The following RNF41 variants were observed in gnomAD, a reference collection of about 807,000 sequenced individuals.
The protein encoded by RNF41 is ring finger protein 41.
RNF41 carries 4 observed loss-of-function variants against 33.0 expected under a neutral mutation model. That is an observed-to-expected ratio of 0.12 (90% CI 0.06 to 0.28). The LOEUF is 0.28. RNF41 is among the 10% of genes least tolerant of loss of function. The pLI is 1.00. For missense variants in RNF41, 228 were observed against 432.6 expected (o/e 0.53, Z 4.19); for synonymous variants, 164 against 153.2 (o/e 1.07, Z -0.52).
At chr12:56,209,779 T>A (rs773264954) in intron 4 of RNF41, among the ~76,000 whole-genome samples, 8 of 152,316 alleles carry the variant, frequency 5.3e-5, no homozygotes, top group Non-Finnish European at 1.0e-4. Context: ...AATTTTTGTA[T>A]TTTTAGTAGA....
At position 56,205,570 on chromosome 12, in the gene RNF41, G is replaced by GT. The variant is rs1491434743; in HGVS notation, c.*876_*877insA. Reference sequence around the variant, plus strand: ...GATCAGGCCATTCTTAAAAAAAAGAGGGGGGGGGGCAGTAGGTGGAGTTTG... The same window carrying GT: ...GATCAGGCCATTCTTAAAAAAAAGAGTGGGGGGGGGCAGTAGGTGGAGTTTG... On this transcript the variant is annotated 3_prime_UTR_variant, in exon 7 of 7. Transcript: ENST00000345093. The GT allele has an allele frequency of 1.8e-5, 2 of 108,122 alleles. No individual in the cohort carries two copies. The highest frequency in any genetic ancestry group is 8.6e-5 in the Admixed American group (1 of 11,674). 6.7% of individuals were successfully genotyped at this position (108,122 alleles called of 1,614,324 possible). A position where few individuals can be genotyped will look rare whatever the true frequency, so the allele number is the denominator to read the frequency against.
At chr12:56,219,846 C>T (rs1347113462) in intron 1 of RNF41, among the ~76,000 whole-genome samples, 2 of 151,148 alleles carry the variant, frequency 1.3e-5, no homozygotes, top group Admixed American at 6.6e-5. Context: ...GAAACCTTGT[C>T]TCTACAAAAA....
chr12:56,208,016 CCTG>C (rs1868306276), intron 5 of RNF41, 144 bp downstream of exon 5: 1 of 970,842 alleles, frequency 1.0e-6, no homozygotes, highest in Non-Finnish European at 1.6e-6. Context: ...AATCTGATTC[CCTG>C]CTAAGCCACA....
chr12:56,202,892 T>C lies in RNF41; in HGVS notation c.*3555A>G, dbSNP rs1171096475. On this transcript the variant is annotated 3_prime_UTR_variant, in exon 7 of 7. Transcript: ENST00000345093. ...ACACCATTCATAACATTCACAAGAA[T>C]GAGCAGCAAGTTCTAAAAGTAATTT... 3 of 152,184 alleles carry C rather than the reference T, an allele frequency of 2.0e-5. No individual in the cohort carries two copies. Among genetic ancestry groups the C allele is most frequent in the African/African-American group, 7.2e-5 (3 of 41,450 alleles). The allele number at this position is 152,184 out of a possible 1,614,324, so 9.4% of individuals were successfully genotyped here.
At position 56,206,709 on chromosome 12, in the gene RNF41, C is replaced by A; in HGVS notation, c.692G>T (p.Arg231Leu). 6.2e-7 allele frequency: 1 copy of A among 1,614,144 alleles called. No homozygotes were observed. The highest frequency in any genetic ancestry group is 8.5e-7 in the Non-Finnish European group (1 of 1,180,010). The stretch of plus-strand genomic sequence containing the variant: ...AGGACAGCCACTCTCCACCAGGGAG[C>A]GCTTGATTACAGCCTGGAGCACAGC... ...PDAVLQAVIK[R>L]SLVESGCPAS... is the part of the protein sequence containing the mutation. The change falls in exon 7 of 7, where the codon CGC becomes CTC. Residue 231 changes from arginine (R) to leucine (L), a missense_variant. By Grantham distance (102) the Arg-to-Leu change is moderately radical. Around this residue, in one of 2 missense-constraint regions of RNF41, gnomAD observed 199 missense variants for 334.6 expected, o/e 0.59. Transcript: ENST00000345093. This position sits in a 1 kb window ranked among gnomAD's most constrained non-coding sequence, Gnocchi z 5.7.
In RNF41 at chr12:56,203,361, A is replaced by G. The variant is rs1466799952; in HGVS notation, c.*3086T>C. 1 of 145,228 alleles carries G rather than the reference A, an allele frequency of 6.9e-6. No individual in the cohort carries two copies. Among genetic ancestry groups the G allele is most frequent in the Non-Finnish European group, 1.5e-5 (1 of 67,120 alleles). 9.0% of individuals were successfully genotyped at this position (145,228 alleles called of 1,614,324 possible). A position where few individuals can be genotyped will look rare whatever the true frequency, so the allele number is the denominator to read the frequency against. On this transcript the variant is annotated 3_prime_UTR_variant, in exon 7 of 7. Transcript: ENST00000345093. ...ACCATGTCTGGCTATCCTTTTTCTT[A>G]TGACAGGGAAAGGTAGCAGCAAATA...
At chr12:56,219,913 A>G (rs941145022) in intron 1 of RNF41, among the ~76,000 whole-genome samples, 4 of 151,672 alleles carry the variant, frequency 2.6e-5, no homozygotes, top group Non-Finnish European at 5.9e-5. Flanking sequence ...GCTACTGAGG[A>G]GGCTGAAGGG....
At chr12:56,216,404 G>A (rs1868896521) in intron 2 of RNF41, 25 bp downstream of exon 2, 1 of 152,226 alleles carries the variant, frequency 6.6e-6, no homozygotes, top group Admixed American at 6.5e-5. Flanking sequence ...GGCCTGGAAT[G>A]GGATTCTGAA....
At chr12:56,213,118 A>G (rs976486823) in intron 3 of RNF41, 2 of 1,289,530 alleles carry the variant, frequency 1.6e-6, no homozygotes, top group African/African-American at 3.0e-5. Flanking sequence ...TGCAGAGTGC[A>G]TGGCTGTATC....
intron 1 of RNF41, among the ~76,000 whole-genome samples, chr12:56,221,198 G>A (rs1869389254): frequency 6.6e-6 from 1 of 152,102 alleles, no homozygotes; most frequent in African/African-American, 2.4e-5. Flanking sequence ...TCCAGTGTGT[G>A]GTGTGTGAAC....
chr12:56,208,545 T>A (rs1445107023), intron 4 of RNF41: 22 of 324,576 alleles, frequency 6.8e-5, no homozygotes, highest in Non-Finnish European at 9.9e-5. Context: ...ATCTATTTTT[T>A]AAATTTATTT....
rs528624541 is a variant in RNF41 at position 56,203,572 on chromosome 12, T to C, written c.*2875A>G. ...GCCTGTCCGGCTAATTTATTTATAT[T>C]TTTAGTAGAGACAGGGTTTCACCAT... On this transcript the variant is annotated 3_prime_UTR_variant, in exon 7 of 7. Transcript: ENST00000345093. 1.3e-5 allele frequency: 2 copies of C among 151,470 alleles called. No individual in the cohort carries two copies. The highest frequency in any genetic ancestry group is 3.9e-4 in the East Asian group (2 of 5,170). The allele number at this position is 151,470 out of a possible 1,614,324, so 9.4% of individuals were successfully genotyped here. A position where few individuals can be genotyped will look rare whatever the true frequency, so the allele number is the denominator to read the frequency against.
chr12:56,213,551 T>A (rs1046517651), intron 3 of RNF41, among the ~76,000 whole-genome samples: 1 of 152,136 alleles, frequency 6.6e-6, no homozygotes, highest in African/African-American at 2.4e-5. Flanking sequence ...GCTGATTACC[T>A]GAAGCACTAC....
chr12:56,206,763 C>T lies in RNF41; in HGVS notation c.638G>A (p.Arg213His), dbSNP rs781243134. The change falls in exon 7 of 7, where the codon CGC becomes CAC. Residue 213 changes from arginine (R) to histidine (H), a missense_variant. This residue lies in a region of RNF41 where 199 missense variants were observed against 334.6 expected (regional missense o/e 0.59). Transcript: ENST00000345093. The surrounding 1 kb of genome is among the most constrained non-coding windows in gnomAD (Gnocchi z 5.7). ...AGGAGTCGAGATCATCCCTCCCCAGCGGGTCACTCTTGCTGGCTGAAGGGA... is the reference window on the plus strand; with the variant it reads ...AGGAGTCGAGATCATCCCTCCCCAGTGGGTCACTCTTGCTGGCTGAAGGGA... Reference protein sequence around the residue: ...VNSLQPARVTRWGGMISTPDA... With the variant: ...VNSLQPARVTHWGGMISTPDA... The T allele has an allele frequency of 3.1e-6, 5 of 1,613,910 alleles. No individual in the cohort carries two copies. The highest frequency in any genetic ancestry group is 1.3e-5 in the African/African-American group (1 of 74,910).
chr12:56,212,335 T>C (rs1045398944), intron 3 of RNF41, among the ~76,000 whole-genome samples: 6 of 152,148 alleles, frequency 3.9e-5, no homozygotes, highest in Admixed American at 3.9e-4. Context: ...ATTCAAAAAA[T>C]AAATAATTAT....
rs1353559554 is a variant in RNF41 at position 56,210,541 on chromosome 12, T to C, written c.118A>G (p.Asn40Asp). The change falls in exon 4 of 7, where the codon AAC becomes GAC. Residue 40 changes from asparagine (N) to aspartate (D), a missense_variant. Asn to Asp is a conservative substitution (Grantham distance 23). Coordinates refer to ENST00000345093, the MANE Select transcript of RNF41 (RefSeq NM_005785.4). The stretch of plus-strand genomic sequence containing the variant: ...GAGAACCACTGGGTGATGCAGGCGT[T>C]GCAGAAAGCATGTTCACAATGAGGT... ...QAPHCEHAFC[N>D]ACITQWFSQQ... is the part of the protein sequence containing the mutation. 6.2e-7 allele frequency: 1 copy of C among 1,613,576 alleles called. No individual in the cohort carries two copies. Among genetic ancestry groups the C allele is most frequent in the Non-Finnish European group, 8.5e-7 (1 of 1,180,022 alleles).
chr12:56,214,446 G>T (rs1868708690), intron 2 of RNF41, among the ~76,000 whole-genome samples: 1 of 151,158 alleles, frequency 6.6e-6, no homozygotes, highest in Non-Finnish European at 1.5e-5. Context: ...TTTGAACCCA[G>T]GAGGCAGAGG....
Position 56,206,408 on chromosome 12 carries a change from T to C in RNF41, c.*39A>G. 6.5e-7 allele frequency: 1 copy of C among 1,540,104 alleles called. No individual in the cohort carries two copies. The highest frequency in any genetic ancestry group is 8.8e-7 in the Non-Finnish European group (1 of 1,129,980). On this transcript the variant is annotated 3_prime_UTR_variant, in exon 7 of 7. Coordinates refer to ENST00000345093, the MANE Select transcript of RNF41 (RefSeq NM_005785.4). This position sits in a 1 kb window ranked among gnomAD's most constrained non-coding sequence, Gnocchi z 5.7. ...CCCAGCTGCTGGAGTGATGGGATTT[T>C]CTGATTTCCATCTCTTCCTGATAGC...
At chr12:56,214,194 G>T in intron 2 of RNF41, 124 bp from the exon 3 acceptor site, 2 of 649,250 alleles carry the variant, frequency 3.1e-6, no homozygotes. Context: ...CTACTATGCA[G>T]CAGTCATTTG....
Sources: allele counts gnomAD v4.1 joint callset (sites outside exome capture counted in the v4.1 genomes callset), GRCh38; gene constraint gnomAD v4.1.1; regional missense constraint gnomAD v4.1.1; non-coding constraint Gnocchi (gnomAD v3.1); transcripts MANE v1.5; gene names NCBI Gene and HGNC (gene_info 2026-07-23, HGNC 2026-07-21).